RFC1: variants seen among roughly 807,000 people sequenced by gnomAD.
RFC1 encodes the protein A1 140 kDa subunit.
RFC1 carries 37 observed loss-of-function variants against 137.4 expected under a neutral mutation model. The observed-to-expected ratio is 0.27, with a 90% CI of 0.21 to 0.35. The LOEUF (loss-of-function observed/expected upper bound fraction) is 0.35, where lower values mean the gene tolerates loss of function less well. Ranked by LOEUF, RFC1 falls within the 10% of genes least tolerant of loss-of-function variation. The probability of loss-of-function intolerance (pLI) is 1.00; values close to 1 mark genes in which losing one functional copy is unlikely to be tolerated. For missense variants in RFC1, 1,205 were observed against 1,358.5 expected (o/e 0.89, Z 1.78); for synonymous variants, 429 against 455.7 (o/e 0.94, Z 0.75).
rs538858430 is a variant in RFC1 at position 39,289,951 on chromosome 4, G to A, written c.3257C>T (p.Thr1086Ile). Residue 1086 changes from threonine to isoleucine, a missense_variant, in exon 24 of 25, where the codon ACA becomes ATA. By Grantham distance (89) the Thr-to-Ile change is moderately conservative. Transcript: ENST00000349703. ...GTATTCCGAATCCAGGGATGGGCTT[G>A]TGCTGTGTCTAGATGCCTTTATAGC... Reference protein sequence around the residue: ...LQAIKASRHSTSPSLDSEYNE... With the variant: ...LQAIKASRHSISPSLDSEYNE... The A allele has an allele frequency of 6.2e-7, 1 of 1,613,072 alleles. No homozygotes were observed. Among genetic ancestry groups the A allele is most frequent in the South Asian group, 1.1e-5 (1 of 91,058 alleles).
At position 39,302,854 on chromosome 4, in the gene RFC1, T is replaced by C; in HGVS notation, c.2223A>G (p.Lys741=). ...GGIQELIGLI[K]HTKIPIICMC... ...TACAAATAATGGGAATTTTAGTATG[T>C]TTTATCAGGCCAATTAATTCCTGAA... is the stretch of plus-strand genomic sequence containing the variant. Residue 741 remains lysine (K), a synonymous_variant, in exon 17 of 25, where the codon AAA becomes AAG. Transcript: ENST00000349703. 1 of 1,585,996 alleles carries C rather than the reference T, an allele frequency of 6.3e-7. No individual in the cohort carries two copies. The highest frequency in any genetic ancestry group is 8.6e-7 in the Non-Finnish European group (1 of 1,169,366).
chr4:39,308,553 G>T, intron 13 of RFC1, 83 bp downstream of exon 13: 2 of 1,504,488 alleles, frequency 1.3e-6, no homozygotes, highest in South Asian at 1.3e-5. Flanking sequence ...TGAATGAATC[G>T]TTAGATTTTC....
chr4:39,348,380 G>A (rs1043268395), intron 2 of RFC1, among the ~76,000 whole-genome samples: 13 of 131,650 alleles, frequency 9.9e-5, no homozygotes, highest in East Asian at 4.2e-4. Flanking sequence ...CCGAGATTGC[G>A]CCACTGCACT....
chr4:39,290,122 G>T, intron 23 of RFC1, 83 bp from the exon 24 acceptor site: 1 of 972,374 alleles, frequency 1.0e-6, no homozygotes. Context: ...AAGAGACCCT[G>T]GGAGCCCCCT....
chr4:39,350,395 C>T (rs1741126579), intron 2 of RFC1, among the ~76,000 whole-genome samples: 1 of 152,014 alleles, frequency 6.6e-6, no homozygotes, highest in Non-Finnish European at 1.5e-5. Context: ...TAAAGAAGCT[C>T]AGAAACCAAA....
chr4:39,336,400 A>G (rs1560612955), intron 4 of RFC1, among the ~76,000 whole-genome samples: 1 of 152,276 alleles, frequency 6.6e-6, no homozygotes, highest in Non-Finnish European at 1.5e-5. Context: ...CAGGAGCAGC[A>G]TATGGCACTC....
In RFC1 at chr4:39,296,341, C is replaced by T. The variant is rs17335438; in HGVS notation, c.2809-582G>A. ...TATGTATACATGTGCCATGCTGGTG[C>T]GCTGCACCCACTAACTCGTCATCTA... is the stretch of plus-strand genomic sequence containing the variant. On this transcript the variant is annotated intron_variant, in intron 21 of 24. Transcript: ENST00000349703. Among the ~76,000 whole-genome samples the T allele has an allele frequency of 6.4e-3, 833 of 130,862 alleles. 31 individuals carry two copies. Among genetic ancestry groups the T allele is most frequent in the Admixed American group, 0.061 (763 of 12,458 alleles). The allele number at this position is 130,862 out of a possible 152,430, so 85.9% of individuals were successfully genotyped here. A position where few individuals can be genotyped will look rare whatever the true frequency, so the allele number is the denominator to read the frequency against.
At chr4:39,335,698 G>T (rs1204623801) in intron 4 of RFC1, among the ~76,000 whole-genome samples, 1 of 152,060 alleles carries the variant, frequency 6.6e-6, no homozygotes, top group East Asian at 1.9e-4. Context: ...ACAATTCTAA[G>T]GCATAAAACG....
At chr4:39,361,971 G>A (rs1184337178) in intron 1 of RFC1, among the ~76,000 whole-genome samples, 10 of 152,192 alleles carry the variant, frequency 6.6e-5, no homozygotes, top group South Asian at 4.1e-4. Context: ...CCCGGGAGGC[G>A]GAGCTTGCAG....
intron 4 of RFC1, among the ~76,000 whole-genome samples, chr4:39,333,637 A>G (rs1167544283): frequency 1.3e-5 from 2 of 151,996 alleles, no homozygotes; most frequent in Non-Finnish European, 2.9e-5. Context: ...CTGTTCTTTT[A>G]TGTGCACCCT....
chr4:39,360,591 C>T (rs577465066), intron 1 of RFC1, among the ~76,000 whole-genome samples: 1 of 151,474 alleles, frequency 6.6e-6, no homozygotes, highest in Admixed American at 6.6e-5. Context: ...AAAAATCAGC[C>T]TGGCATGGTG....
At chr4:39,307,234 A>C (rs1738717935) in intron 13 of RFC1, 1 of 157,510 alleles carries the variant, frequency 6.3e-6, no homozygotes, top group African/African-American at 2.4e-5. Flanking sequence ...AGAAAAAATG[A>C]CTTGAAGATG....
chr4:39,335,358 T>G (rs1161645640), intron 4 of RFC1, among the ~76,000 whole-genome samples: 1 of 152,166 alleles, frequency 6.6e-6, no homozygotes, highest in African/African-American at 2.4e-5. Context: ...CCCATTTATG[T>G]GGTAAATCAG....
chr4:39,355,594 A>G (rs761083225), intron 1 of RFC1, among the ~76,000 whole-genome samples: 1 of 152,244 alleles, frequency 6.6e-6, no homozygotes. Flanking sequence ...AAATAAGCAG[A>G]TAAGTTAAAA....
At chr4:39,347,764 T>C (rs1740931268) in intron 2 of RFC1, among the ~76,000 whole-genome samples, 1 of 152,268 alleles carries the variant, frequency 6.6e-6, no homozygotes, top group Non-Finnish European at 1.5e-5. Context: ...AGAATACATA[T>C]ATCATCATGA....
At chr4:39,294,733 C>T (rs1395633820) in intron 22 of RFC1, among the ~76,000 whole-genome samples, 2 of 150,882 alleles carry the variant, frequency 1.3e-5, no homozygotes, top group Non-Finnish European at 3.0e-5. Flanking sequence ...CCAGGCATGG[C>T]GGCTCACGCC....
At chr4:39,363,130 A>G (rs1039934415) in intron 1 of RFC1, among the ~76,000 whole-genome samples, 1 of 152,254 alleles carries the variant, frequency 6.6e-6, no homozygotes, top group African/African-American at 2.4e-5. Flanking sequence ...CATATTTTCA[A>G]TAATTATACC....
chr4:39,306,648 A>T lies in RFC1; in HGVS notation c.1939T>A (p.Leu647Met). The stretch of plus-strand genomic sequence containing the variant: ...CCAACACCAGGAGGGCCTGACAGCA[A>T]CGCTGCTTTAAAACTAGAGCCATCA... Reference protein sequence around the residue: ...KDDGSSFKAALLSGPPGVGKT... With the variant: ...KDDGSSFKAAMLSGPPGVGKT... Residue 647 changes from leucine to methionine, a missense_variant, in exon 14 of 25, where the codon TTG (leucine) becomes ATG (methionine). This residue lies in a region of RFC1 where 962 missense variants were observed against 1,035.3 expected (regional missense o/e 0.93). Transcript: ENST00000349703. The T allele has an allele frequency of 6.2e-7, 1 of 1,614,020 alleles. No homozygotes were observed. Among genetic ancestry groups the T allele is most frequent in the Non-Finnish European group, 8.5e-7 (1 of 1,179,854 alleles).
chr4:39,330,440 T>C (rs1383617162), intron 4 of RFC1, among the ~76,000 whole-genome samples: 1 of 152,188 alleles, frequency 6.6e-6, no homozygotes, highest in Non-Finnish European at 1.5e-5. Flanking sequence ...TGCCCTTCAC[T>C]ACAAGCACAT....
Sources: allele counts gnomAD v4.1 joint callset (sites outside exome capture counted in the v4.1 genomes callset), GRCh38; gene constraint gnomAD v4.1.1; regional missense constraint gnomAD v4.1.1; transcripts MANE v1.5; gene names NCBI Gene and HGNC (gene_info 2026-07-23, HGNC 2026-07-21).